RALYL: variants seen among roughly 807,000 people sequenced by gnomAD.
RALYL encodes RALY RNA binding protein like.
Under a neutral mutation model 35.1 loss-of-function variants are expected in RALYL, and 29 were observed. The observed-to-expected ratio is 0.83, with a 90% CI of 0.61 to 1.13. RALYL has a LOEUF of 1.13. Among genes scored for constraint, RALYL ranks in the 50% most tolerant of loss-of-function variants. The pLI is 0.00. For missense variants in RALYL, 359 were observed against 360.4 expected (o/e 1.00, Z 0.03); for synonymous variants, 120 against 127.6 (o/e 0.94, Z 0.40).
At chr8:84,521,686 C>T (rs964623035) in intron 1 of RALYL, among the ~76,000 whole-genome samples, 3 of 152,172 alleles carry the variant, frequency 2.0e-5, no homozygotes, top group African/African-American at 7.2e-5. Context: ...AATTGTTTAA[C>T]ATGGAAGTTT....
chr8:84,582,144 G>A (rs1242621613), intron 2 of RALYL, among the ~76,000 whole-genome samples: 3 of 152,024 alleles, frequency 2.0e-5, no homozygotes, highest in Admixed American at 6.6e-5. Context: ...TTGACACAAA[G>A]TTATATTGTC....
intron 1 of RALYL, among the ~76,000 whole-genome samples, chr8:84,317,094 G>A (rs1422651670): frequency 6.6e-6 from 1 of 152,114 alleles, no homozygotes; most frequent in Non-Finnish European, 1.5e-5. Context: ...TATAGTCAGA[G>A]CAGCAGGGAT....
rs915521744 is a variant in RALYL at position 84,827,701 on chromosome 8, C to T, written c.366-22279C>T. On this transcript the variant is annotated intron_variant, in intron 4 of 8. Coordinates refer to ENST00000521268, the MANE Select transcript of RALYL (RefSeq NM_173848.7). ...CAGTACAATATATTTTATTAAATAT[C>T]GCATTCCACTCAATTTTGTAATATT... 9.2e-5 allele frequency among the ~76,000 whole-genome samples: 14 copies of T among 152,092 alleles called. No individual in the cohort carries two copies. In the South Asian group the frequency reaches 1.0e-3, roughly 11 times the overall value.
chr8:84,889,728 GA>G (rs1455271833), intron 8 of RALYL, among the ~76,000 whole-genome samples: 1 of 152,180 alleles, frequency 6.6e-6, no homozygotes. Context: ...AACATGGCCA[GA>G]AACAGTCTTG....
intron 4 of RALYL, among the ~76,000 whole-genome samples, chr8:84,811,980 C>A (rs1467787942): frequency 6.6e-6 from 1 of 152,148 alleles, no homozygotes; most frequent in African/African-American, 2.4e-5. Flanking sequence ...AATAACTAAC[C>A]TCCTGAACCC....
chr8:84,569,956 T>G (rs571447119), intron 2 of RALYL, among the ~76,000 whole-genome samples: 2 of 151,974 alleles, frequency 1.3e-5, no homozygotes, highest in Non-Finnish European at 2.9e-5. Flanking sequence ...ATGTACATTT[T>G]TGTGCTAGTA....
At chr8:84,335,769 G>A (rs187632933) in intron 1 of RALYL, among the ~76,000 whole-genome samples, 1 of 109,292 alleles carries the variant, frequency 9.1e-6, no homozygotes, top group Non-Finnish European at 1.7e-5. Flanking sequence ...CATCTTACTT[G>A]GTGGGCAAAC....
chr8:84,893,674 A>G (rs1184460211), intron 8 of RALYL, among the ~76,000 whole-genome samples: 1 of 152,202 alleles, frequency 6.6e-6, no homozygotes, highest in East Asian at 1.9e-4. Context: ...TAAAATGCCA[A>G]CATAGATTAT....
At chr8:84,228,733 G>T (rs1824583888) in intron 1 of RALYL, among the ~76,000 whole-genome samples, 1 of 152,142 alleles carries the variant, frequency 6.6e-6, no homozygotes, top group South Asian at 2.1e-4. Flanking sequence ...TCACAGATCT[G>T]CATGGCTTGG....
At chr8:84,526,295 A>G (rs2058891363) in intron 1 of RALYL, among the ~76,000 whole-genome samples, 1 of 152,122 alleles carries the variant, frequency 6.6e-6, no homozygotes, top group African/African-American at 2.4e-5. Context: ...TTTCTTTGAC[A>G]GACATTTGGG....
chr8:84,473,937 C>T (rs2053095410), intron 1 of RALYL, among the ~76,000 whole-genome samples: 1 of 151,762 alleles, frequency 6.6e-6, no homozygotes. Context: ...AATTCTTTGT[C>T]TCAAAAATAA....
chr8:84,220,462 T>C (rs563428667), intron 1 of RALYL, among the ~76,000 whole-genome samples: 121 of 152,150 alleles, frequency 8.0e-4, no homozygotes, highest in African/African-American at 2.8e-3. Flanking sequence ...CACTAACTTT[T>C]GGGAAACATA....
At chr8:84,457,568 T>C (rs952410062) in intron 1 of RALYL, among the ~76,000 whole-genome samples, 3 of 151,994 alleles carry the variant, frequency 2.0e-5, no homozygotes, top group East Asian at 1.9e-4. Context: ...CACTTTCTGA[T>C]TGTTCTGTAT....
intron 5 of RALYL, among the ~76,000 whole-genome samples, chr8:84,855,214 AC>A (rs1836726894): frequency 6.6e-6 from 1 of 152,088 alleles, no homozygotes; most frequent in African/African-American, 2.4e-5. Context: ...CCCAACCCCA[AC>A]CCTAACCCTC....
intron 1 of RALYL, among the ~76,000 whole-genome samples, chr8:84,299,890 T>G (rs1036140186): frequency 6.6e-6 from 1 of 152,032 alleles, no homozygotes; most frequent in Admixed American, 6.6e-5. Context: ...CGATCACATT[T>G]ATTCTTTCAA....
chr8:84,336,749 C>T (rs1448959567), intron 1 of RALYL, among the ~76,000 whole-genome samples: 1 of 151,988 alleles, frequency 6.6e-6, no homozygotes, highest in Non-Finnish European at 1.5e-5. Flanking sequence ...ACAGTTTATA[C>T]AGAGCCACAA....
In RALYL at chr8:84,818,705, C is replaced by A. The variant is rs557117769; in HGVS notation, c.365+13903C>A. Among the ~76,000 whole-genome samples the A allele has an allele frequency of 3.3e-5, 5 of 152,252 alleles. No individual in the cohort carries two copies. In the South Asian group the frequency reaches 1.0e-3, roughly 32 times the overall value. ...ACCTGCTTGGCTGTTTTGCTTTCAA[C>A]TGAAGAGTGATATTATCCAAAGTGA... On this transcript the variant is annotated intron_variant, in intron 4 of 8. Coordinates refer to ENST00000521268, the MANE Select transcript of RALYL (RefSeq NM_173848.7).
At chr8:84,223,667 T>G (rs2053244) in intron 1 of RALYL, among the ~76,000 whole-genome samples, 103,946 of 152,060 alleles carry the variant, frequency 0.68, 36,178 homozygotes, top group African/African-American at 0.82. Flanking sequence ...AGATTCCAGG[T>G]TGTAATCATG....
chr8:84,797,122 T>C (rs1822116955), intron 3 of RALYL, among the ~76,000 whole-genome samples: 1 of 152,220 alleles, frequency 6.6e-6, no homozygotes, highest in South Asian at 2.1e-4. Flanking sequence ...CAGTGTCTAG[T>C]GAGGGATTTC....
Sources: allele counts gnomAD v4.1 joint callset (sites outside exome capture counted in the v4.1 genomes callset), GRCh38; gene constraint gnomAD v4.1.1; transcripts MANE v1.5; gene names NCBI Gene and HGNC (gene_info 2026-07-23, HGNC 2026-07-21).